RBM33: variants seen among roughly 807,000 people sequenced by gnomAD.
RBM33 encodes the protein RNA binding motif protein 33, also known as RNA-binding protein 33.
In RBM33, 28 loss-of-function variants were observed where a neutral mutation model predicts 132.6. The ratio of observed to expected loss-of-function variants is 0.21; its 90% CI spans 0.16 to 0.29. RBM33 has a LOEUF of 0.29. Among genes scored for constraint, RBM33 ranks in the 10% least tolerant of loss-of-function variants. RBM33 has a pLI of 1.00. For synonymous variants in RBM33, 634 were observed against 593.0 expected, an observed-to-expected ratio of 1.07 and a Z score of -1.01; for missense variants, 1,291 against 1,518.5, an observed-to-expected ratio of 0.85 and a Z score of 2.49.
At chr7:155,702,075 G>A (rs905039885) in intron 6 of RBM33, among the ~76,000 whole-genome samples, 1 of 152,150 alleles carries the variant, frequency 6.6e-6, no homozygotes, top group African/African-American at 2.4e-5. Flanking sequence ...TTCCAAGGAG[G>A]AGGGCAGGCA....
At chr7:155,742,347 A>G (rs1047824806) in intron 13 of RBM33, among the ~76,000 whole-genome samples, 3 of 151,884 alleles carry the variant, frequency 2.0e-5, no homozygotes, top group African/African-American at 7.3e-5. Flanking sequence ...CAGAATTGAT[A>G]TATACCGGGG....
chr7:155,768,474 A>G (rs1802295805), intron 16 of RBM33, among the ~76,000 whole-genome samples: 1 of 152,126 alleles, frequency 6.6e-6, no homozygotes. Flanking sequence ...ATGTTTTGGA[A>G]TAGTGTCGAG....
intron 14 of RBM33, among the ~76,000 whole-genome samples, chr7:155,754,014 AG>A (rs1428832655): frequency 6.6e-6 from 1 of 152,238 alleles, no homozygotes; most frequent in Non-Finnish European, 1.5e-5. Flanking sequence ...GAAATGTCTT[AG>A]TGTGGGCAGA....
chr7:155,691,598 A>G (rs1799643418), intron 5 of RBM33, among the ~76,000 whole-genome samples: 1 of 86,112 alleles, frequency 1.2e-5, no homozygotes, highest in African/African-American at 3.3e-5. Context: ...CAGTTTTCAA[A>G]TGATGGTTAC....
intron 7 of RBM33, among the ~76,000 whole-genome samples, chr7:155,709,486 T>A (rs1311943573): frequency 1.3e-5 from 2 of 152,222 alleles, no homozygotes; most frequent in East Asian, 3.9e-4. Flanking sequence ...TCTTAGTCTC[T>A]AGCCTAACCT....
chr7:155,674,195 A>C (rs1799110994), intron 3 of RBM33, among the ~76,000 whole-genome samples: 1 of 151,976 alleles, frequency 6.6e-6, no homozygotes, highest in African/African-American at 2.4e-5. Flanking sequence ...GTAAACTGAA[A>C]TACATCCGTA....
rs1802608070 is a variant in RBM33 at position 155,776,367 on chromosome 7, C to T, written c.*1326C>T. On this transcript the variant is annotated 3_prime_UTR_variant, in exon 18 of 18. Coordinates refer to ENST00000401878, the MANE Select transcript of RBM33 (RefSeq NM_053043.3). This position sits in a 1 kb window ranked among gnomAD's most constrained non-coding sequence, Gnocchi z 4.0. ...TAATAGAATTAAGGGAAATAGAAGC[C>T]CGTTCTTTCTTACTGCCCCTGGAGG... The T allele has an allele frequency of 6.6e-6, 1 of 152,234 alleles. No homozygotes were observed. The highest frequency in any genetic ancestry group is 2.1e-4 in the South Asian group (1 of 4,832). The allele number at this position is 152,234 out of a possible 1,614,324, so 9.4% of individuals were successfully genotyped here.
intron 1 of RBM33, among the ~76,000 whole-genome samples, chr7:155,660,746 G>T (rs1798617083): frequency 6.6e-6 from 1 of 152,142 alleles, no homozygotes; most frequent in South Asian, 2.1e-4. Flanking sequence ...ATTTGAGTTT[G>T]TTGAGCCTTC....
chr7:155,739,833 ACCAGCC>A lies in RBM33; in HGVS notation c.1859_1864del (p.Gln620_Pro621del), dbSNP rs1330614605. ...CCCCCGCACCAGCCCCCGCCCCAGCACCAGCCCCCACCCCAGCACCCACCACAGCAC... is the reference window on the plus strand; with the variant it reads ...CCCCCGCACCAGCCCCCGCCCCAGCACCCACCCCAGCACCCACCACAGCAC... On this transcript the variant is annotated inframe_deletion, in exon 12 of 18. Transcript: ENST00000401878. The A allele has an allele frequency of 1.1e-5, 4 of 350,792 alleles. No individual in the cohort carries two copies. The highest frequency in any genetic ancestry group is 6.2e-5 in the South Asian group (2 of 32,004). 21.7% of individuals were successfully genotyped at this position (350,792 alleles called of 1,614,324 possible).
At chr7:155,746,009 C>T (rs1232409182) in intron 14 of RBM33, among the ~76,000 whole-genome samples, 1 of 152,180 alleles carries the variant, frequency 6.6e-6, no homozygotes, top group Non-Finnish European at 1.5e-5. Flanking sequence ...AGTAAAAATA[C>T]AGTGTCATAA....
At position 155,738,306 on chromosome 7, in the gene RBM33, G is replaced by A; in HGVS notation, c.1640G>A (p.Gly547Glu). 1 of 1,613,930 alleles carries A rather than the reference G, an allele frequency of 6.2e-7. No homozygotes were observed. Among genetic ancestry groups the A allele is most frequent in the Non-Finnish European group, 8.5e-7 (1 of 1,179,880 alleles). The change falls in exon 11 of 18, where the codon GGG becomes GAG. Residue 547 changes from glycine to glutamate, a missense_variant. Physicochemically the swap from Gly to Glu is moderately conservative, Grantham distance 98 (BLOSUM62 -2). Around this residue, in one of 7 missense-constraint regions of RBM33, gnomAD observed 841 missense variants for 912.0 expected, o/e 0.92. Coordinates refer to ENST00000401878, the MANE Select transcript of RBM33 (RefSeq NM_053043.3). ...GGGATTCTGCACTTTAGCCAGCCTGGGTCGGCAACCACACGGCCCTTCATT... is the reference window on the plus strand; with the variant it reads ...GGGATTCTGCACTTTAGCCAGCCTGAGTCGGCAACCACACGGCCCTTCATT... Reference protein sequence around the residue: ...PVGILHFSQPGSATTRPFIPP... With the variant: ...PVGILHFSQPESATTRPFIPP...
At chr7:155,687,694 T>C (rs1799519516) in intron 5 of RBM33, among the ~76,000 whole-genome samples, 1 of 152,248 alleles carries the variant, frequency 6.6e-6, no homozygotes, top group Admixed American at 6.5e-5. Context: ...TTTCTACATA[T>C]GGCTAGCCAG....
intron 1 of RBM33, among the ~76,000 whole-genome samples, chr7:155,647,326 T>A (rs1298757070): frequency 1.3e-5 from 2 of 152,226 alleles, no homozygotes; most frequent in Non-Finnish European, 2.9e-5. Context: ...ACTGGTCTCT[T>A]GTATAGTAAG....
rs183900795 is a variant in RBM33 at position 155,749,471 on chromosome 7, C to T, written c.2979+3869C>T. Among the ~76,000 whole-genome samples, 213 of 152,286 alleles carry T rather than the reference C, an allele frequency of 1.4e-3. 4 individuals carry two copies. Among genetic ancestry groups the T allele is most frequent in the African/African-American group, 4.9e-3 (203 of 41,566 alleles). On this transcript the variant is annotated intron_variant, in intron 14 of 17. Coordinates refer to ENST00000401878, the MANE Select transcript of RBM33 (RefSeq NM_053043.3). The stretch of plus-strand genomic sequence containing the variant: ...TGAATCTTACGCTCTTCACCCTTGT[C>T]TATGATAGTTGTCTATTTTATCTGC...
In RBM33 at chr7:155,661,146, A is replaced by ATATATATTTTTTTT. The variant is rs1421586760; in HGVS notation, c.44-4028_44-4027insATATATTTTTTTTT. ...TGTGTGTGTGTATATATATATATAT[A>ATATATATTTTTTTT]TTTTTTTTTTTTTGAGACAGAGTCT... On this transcript the variant is annotated intron_variant, in intron 1 of 17. Transcript: ENST00000401878. 1.5e-3 allele frequency among the ~76,000 whole-genome samples: 121 copies of ATATATATTTTTTTT among 81,166 alleles called. 4 individuals carry two copies. The highest frequency in any genetic ancestry group is 2.3e-3 in the Non-Finnish European group (90 of 39,070). The allele number at this position is 81,166 out of a possible 152,430, so 53.2% of individuals were successfully genotyped here.
chr7:155,775,944 A>G lies in RBM33; in HGVS notation c.*903A>G, dbSNP rs1802592717. The stretch of plus-strand genomic sequence containing the variant: ...GACATTCTTTGGGAATTTGGTGGCC[A>G]CTGCTTCAGTCACCTCTGTTTTTCT... On this transcript the variant is annotated 3_prime_UTR_variant, in exon 18 of 18. Transcript: ENST00000401878. 6.6e-6 allele frequency: 1 copy of G among 152,230 alleles called. No individual in the cohort carries two copies. Among genetic ancestry groups the G allele is most frequent in the African/African-American group, 2.4e-5 (1 of 41,452 alleles). The allele number at this position is 152,230 out of a possible 1,614,324, so 9.4% of individuals were successfully genotyped here. A position where few individuals can be genotyped will look rare whatever the true frequency, so the allele number is the denominator to read the frequency against.
intron 1 of RBM33, among the ~76,000 whole-genome samples, chr7:155,654,871 TCACATGTGTG>T (rs1798450448): frequency 6.6e-6 from 1 of 152,260 alleles, no homozygotes; most frequent in Admixed American, 6.5e-5. Context: ...CATTATATGT[TCACATGTGTG>T]CACAGATAAA....
intron 2 of RBM33, among the ~76,000 whole-genome samples, chr7:155,667,201 G>A (rs1160888576): frequency 2.0e-5 from 3 of 152,110 alleles, no homozygotes; most frequent in Non-Finnish European, 2.9e-5. Flanking sequence ...TATAAATATT[G>A]TATAATTTTT....
intron 14 of RBM33, among the ~76,000 whole-genome samples, chr7:155,751,901 A>G (rs2117047315): frequency 6.6e-6 from 1 of 152,344 alleles, no homozygotes; most frequent in South Asian, 2.1e-4. Flanking sequence ...TCTAATGCCA[A>G]CACTCCTGTA....
Sources: allele counts gnomAD v4.1 joint callset (sites outside exome capture counted in the v4.1 genomes callset), GRCh38; gene constraint gnomAD v4.1.1; regional missense constraint gnomAD v4.1.1; non-coding constraint Gnocchi (gnomAD v3.1); transcripts MANE v1.5; gene names NCBI Gene and HGNC (gene_info 2026-07-23, HGNC 2026-07-21).